The following DPP6 variants were observed in gnomAD, a reference collection of about 807,000 sequenced individuals.
The protein encoded by DPP6 is dipeptidyl peptidase like 6, also known as A-type potassium channel modulatory protein DPP6.
A neutral mutation model predicts 122.6 loss-of-function variants in DPP6; 69 were observed. That is an observed-to-expected ratio of 0.56 (90% confidence interval 0.46 to 0.69). DPP6 has a LOEUF of 0.69. Ranked by LOEUF, DPP6 falls within the 30% of genes least tolerant of loss-of-function variation. The pLI is 0.00. For missense variants in DPP6, 928 were observed against 1,116.9 expected, an observed-to-expected ratio of 0.83 and a Z score of 2.41; for synonymous variants, 418 against 433.1, an observed-to-expected ratio of 0.97 and a Z score of 0.43.
intron 17 of DPP6, among the ~76,000 whole-genome samples, chr7:154,862,397 C>T (rs1420352235): frequency 6.6e-6 from 1 of 152,236 alleles, no homozygotes; most frequent in Admixed American, 6.5e-5. Flanking sequence ...CAGGGTTGCA[C>T]GCGTGAGCAG....
In DPP6 at chr7:154,760,149, G is replaced by A. The variant is rs928761156; in HGVS notation, c.884-9268G>A. ...AAACAAAAAAAAGTCTATTCCCAAG[G>A]AGACAGGCATCCAGCTCAACTCTGC... On this transcript the variant is annotated intron_variant, in intron 8 of 25. Transcript: ENST00000377770. The surrounding 1 kb of genome is among the most constrained non-coding windows in gnomAD (Gnocchi z 4.5). 6.6e-6 allele frequency among the ~76,000 whole-genome samples: 1 copy of A among 152,092 alleles called. No individual in the cohort carries two copies. Among genetic ancestry groups the A allele is most frequent in the Non-Finnish European group, 1.5e-5 (1 of 68,022 alleles).
the DPP6 span, among the ~76,000 whole-genome samples, chr7:153,801,581 C>G: frequency 1.3e-5 from 2 of 152,198 alleles, no homozygotes; most frequent in African/African-American, 4.8e-5. Flanking sequence ...TCCAGCCGCT[C>G]TGCTGGGACA....
chr7:154,883,127 A>T (rs536692002), intron 21 of DPP6, among the ~76,000 whole-genome samples: 1 of 150,798 alleles, frequency 6.6e-6, no homozygotes, highest in Non-Finnish European at 1.5e-5. Flanking sequence ...GTGCTCACAC[A>T]TACACACACA....
At chr7:153,849,199 G>A in the DPP6 span, among the ~76,000 whole-genome samples, 1 of 152,020 alleles carries the variant, frequency 6.6e-6, no homozygotes, top group Admixed American at 6.6e-5. Flanking sequence ...ATGTTTTATA[G>A]GCCACACAGT....
intron 15 of DPP6, among the ~76,000 whole-genome samples, chr7:154,805,235 T>C (rs535903316): frequency 3.5e-4 from 54 of 152,324 alleles, no homozygotes; most frequent in African/African-American, 1.2e-3. Context: ...GGATGGACTT[T>C]AACCCGTCTT....
intron 16 of DPP6, among the ~76,000 whole-genome samples, chr7:154,812,318 C>A (rs1055643526): frequency 6.6e-6 from 1 of 152,172 alleles, no homozygotes; most frequent in East Asian, 1.9e-4. Flanking sequence ...TTGACCTATC[C>A]TGTAACTTAT....
chr7:154,060,731 C>G (rs1395475853), intron 1 of DPP6, among the ~76,000 whole-genome samples: 20 of 146,038 alleles, frequency 1.4e-4, no homozygotes, highest in African/African-American at 4.8e-4. Context: ...GGAGGCACCC[C>G]CCGCGAGGCA....
intron 1 of DPP6, among the ~76,000 whole-genome samples, chr7:154,215,643 G>A (rs573775431): frequency 3.3e-5 from 5 of 152,254 alleles, no homozygotes; most frequent in African/African-American, 1.2e-4. Flanking sequence ...CAAAAGTGTG[G>A]TGTCTGGAAC....
chr7:154,819,590 T>G (rs931823847), intron 16 of DPP6, among the ~76,000 whole-genome samples: 1 of 152,224 alleles, frequency 6.6e-6, no homozygotes, highest in Non-Finnish European at 1.5e-5. Flanking sequence ...TCTGCCTGAA[T>G]ATGACCAGAT....
the DPP6 span, among the ~76,000 whole-genome samples, chr7:153,861,949 A>T: frequency 1.3e-5 from 2 of 152,202 alleles, no homozygotes; most frequent in African/African-American, 4.8e-5. Flanking sequence ...GGCTCTAATG[A>T]TTGCAGCTGT....
At chr7:154,060,784 C>G (rs1445923434) in intron 1 of DPP6, among the ~76,000 whole-genome samples, 1 of 131,066 alleles carries the variant, frequency 7.6e-6, no homozygotes, top group African/African-American at 3.0e-5. Flanking sequence ...GCTCTTAGGA[C>G]GCCCATCACA....
chr7:154,859,339 G>A (rs1041957711), intron 17 of DPP6, among the ~76,000 whole-genome samples: 1 of 152,236 alleles, frequency 6.6e-6, no homozygotes, highest in Non-Finnish European at 1.5e-5. Context: ...GGAGGCCTCG[G>A]GGAGCCGGCT....
chr7:154,273,121 T>C (rs1476670358), intron 1 of DPP6, among the ~76,000 whole-genome samples: 1 of 152,234 alleles, frequency 6.6e-6, no homozygotes, highest in East Asian at 1.9e-4. Context: ...ATACAGCTGC[T>C]GCTCAGTGCC....
chr7:154,055,151 A>G (rs1230588811), intron 1 of DPP6, among the ~76,000 whole-genome samples: 1 of 142,616 alleles, frequency 7.0e-6, no homozygotes, highest in Non-Finnish European at 1.5e-5. Context: ...TTGTGTGTTT[A>G]TATAGTGTAC....
chr7:153,775,203 C>T, the DPP6 span, among the ~76,000 whole-genome samples: 2 of 144,432 alleles, frequency 1.4e-5, no homozygotes, highest in African/African-American at 5.2e-5. Context: ...CACATCACAA[C>T]CAAGTCAAGT....
At chr7:154,202,742 C>T (rs1472548529) in intron 1 of DPP6, among the ~76,000 whole-genome samples, 2 of 152,156 alleles carry the variant, frequency 1.3e-5, no homozygotes, top group Non-Finnish European at 2.9e-5. Context: ...TCTTCTTCCA[C>T]TCACAACAGG....
chr7:153,901,796 G>GCC lies in DPP6; in HGVS notation c.51+14062_51+14063insCC, dbSNP rs1293979854. ...AGCTTTATTTAGGTGAATTCAGGTTGTTACATGGTCTTGCCACAAGTGCAT... is the reference window on the plus strand; with the variant it reads ...AGCTTTATTTAGGTGAATTCAGGTTGCCTTACATGGTCTTGCCACAAGTGCAT... On this transcript the variant is annotated intron_variant, in intron 1 of 25. Coordinates refer to the DPP6 transcript ENST00000404039. 2.1e-3 allele frequency among the ~76,000 whole-genome samples: 327 copies of GCC among 152,322 alleles called. 3 individuals carry two copies. The highest frequency in any genetic ancestry group is 7.6e-3 in the African/African-American group (315 of 41,576).
intron 10 of DPP6, among the ~76,000 whole-genome samples, chr7:154,783,989 C>T (rs201069617): frequency 6.6e-6 from 1 of 152,108 alleles, no homozygotes; most frequent in East Asian, 1.9e-4. Flanking sequence ...GCCCTATTTT[C>T]ATCATTTTCT....
chr7:153,979,980 C>A lies in DPP6; in HGVS notation c.51+92246C>A, dbSNP rs1298308470. On this transcript the variant is annotated intron_variant, in intron 1 of 25. Coordinates refer to the DPP6 transcript ENST00000404039. The stretch of plus-strand genomic sequence containing the variant: ...TATTGAGGATTTTTGCATCAATGTT[C>A]ATCAGGGATATTGGCCTGAAATTTT... Among the ~76,000 whole-genome samples, 5 of 152,290 alleles carry A rather than the reference C, an allele frequency of 3.3e-5. No homozygotes were observed. The East Asian group carries it at 5.8e-4, about 18-fold the overall frequency.
Sources: gnomAD v4.1 joint callset for allele counts (sites outside exome capture counted in the v4.1 genomes callset) on GRCh38, gnomAD v4.1.1 for gene constraint, Gnocchi (gnomAD v3.1) non-coding constraint, MANE v1.5 for transcripts, NCBI Gene and HGNC (gene_info 2026-07-23, HGNC 2026-07-21) for gene names.